Variants in HDAC4 observed in about 807,000 individuals in gnomAD.
HDAC4 encodes the protein histone deacetylase A.
In HDAC4, 16 loss-of-function variants were observed where a neutral mutation model predicts 135.1. The ratio of observed to expected loss-of-function variants is 0.12; its 90% confidence interval spans 0.08 to 0.18. The LOEUF (loss-of-function observed/expected upper bound fraction) is 0.18. Among genes scored for constraint, HDAC4 ranks in the 10% least tolerant of loss-of-function variants. The probability of loss-of-function intolerance (pLI) is 1.00; values close to 1 mark genes in which losing one functional copy is unlikely to be tolerated. For synonymous variants in HDAC4, 685 were observed against 653.4 expected, an observed-to-expected ratio of 1.05 and a Z score of -0.74; for missense variants, 1,143 against 1,511.8, an observed-to-expected ratio of 0.76 and a Z score of 4.05.
At chr2:239,226,501 T>C (rs2047248135) in intron 3 of HDAC4, among the ~76,000 whole-genome samples, 1 of 152,170 alleles carries the variant, frequency 6.6e-6, no homozygotes, top group African/African-American at 2.4e-5. Context: ...TGGACGGTTT[T>C]AGAAGCACCC....
intron 5 of HDAC4, among the ~76,000 whole-genome samples, chr2:239,169,758 C>T (rs1000887742): frequency 6.6e-6 from 1 of 152,166 alleles, no homozygotes; most frequent in Non-Finnish European, 1.5e-5. Context: ...GCCCTGTCTG[C>T]AGGGTCCTTC....
At chr2:239,205,389 G>A (rs934902154) in intron 3 of HDAC4, among the ~76,000 whole-genome samples, 1 of 152,162 alleles carries the variant, frequency 6.6e-6, no homozygotes, top group Non-Finnish European at 1.5e-5. Context: ...AGGAAATGCA[G>A]TCACAGAAGC....
chr2:239,194,609 A>G (rs932075982), intron 3 of HDAC4, among the ~76,000 whole-genome samples: 1 of 152,230 alleles, frequency 6.6e-6, no homozygotes, highest in Non-Finnish European at 1.5e-5. Context: ...CACTCCCAAA[A>G]GACAGGACCC....
At chr2:239,230,436 A>G (rs527703283) in intron 3 of HDAC4, among the ~76,000 whole-genome samples, 33 of 150,132 alleles carry the variant, frequency 2.2e-4, no homozygotes, top group African/African-American at 7.4e-4. Flanking sequence ...CGTCCTGGCC[A>G]ATCCTTGCCC....
chr2:239,087,023 C>T (rs1158093823), intron 19 of HDAC4, among the ~76,000 whole-genome samples: 1 of 152,152 alleles, frequency 6.6e-6, no homozygotes, highest in South Asian at 2.1e-4. Context: ...GGGATGGATC[C>T]GGGAGGACCC....
intron 22 of HDAC4, among the ~76,000 whole-genome samples, chr2:239,073,294 C>T (rs190760722): frequency 1.2e-4 from 18 of 152,344 alleles, no homozygotes; most frequent in Non-Finnish European, 2.4e-4. Context: ...AAAGTGCTTT[C>T]CAAGGACACA....
In HDAC4 at chr2:239,358,425, T is replaced by G. The variant is rs75475302; in HGVS notation, c.-219-5507A>C. Among the ~76,000 whole-genome samples the G allele has an allele frequency of 9.6e-3, 1,466 of 152,314 alleles. 34 individuals are homozygous for G. Among genetic ancestry groups the G allele is most frequent in the African/African-American group, 0.033 (1,391 of 41,556 alleles). On this transcript the variant is annotated intron_variant, in intron 1 of 26. Transcript: ENST00000543185. ...CTTTTGTTTGTTTGTTTTTGAGCAT[T>G]TGCTTACTTTCTGATTTTACAAGAT...
intron 2 of HDAC4, among the ~76,000 whole-genome samples, chr2:239,295,087 C>T (rs946135081): frequency 2.6e-5 from 4 of 151,818 alleles, no homozygotes; most frequent in Non-Finnish European, 5.9e-5. Context: ...GCGGGCGGAT[C>T]ACGAGGTCAG....
Position 239,183,639 on chromosome 2 carries a change from C to T in HDAC4, c.339+6194G>A, listed in dbSNP as rs139802362. ...AGCAAAGGTGTGCACGAGGTCTTCCCGTCTATTCTTAACCTTCACCCAGAG... is the reference window on the plus strand; with the variant it reads ...AGCAAAGGTGTGCACGAGGTCTTCCTGTCTATTCTTAACCTTCACCCAGAG... On this transcript the variant is annotated intron_variant, in intron 4 of 26. Transcript: ENST00000543185. Among the ~76,000 whole-genome samples, 48 of 152,314 alleles carry T rather than the reference C, an allele frequency of 3.2e-4. 1 individual carries two copies. The East Asian group carries it at 7.7e-3, about 25-fold the overall frequency.
rs945203014 is a variant in HDAC4 at position 239,349,927 on chromosome 2, A to G, written c.22+2751T>C. Among the ~76,000 whole-genome samples, 2 of 152,216 alleles carry G rather than the reference A, an allele frequency of 1.3e-5. No homozygotes were observed. The highest frequency in any genetic ancestry group is 2.1e-4 in the South Asian group (1 of 4,834). On this transcript the variant is annotated intron_variant, in intron 2 of 26. Coordinates refer to ENST00000543185, the MANE Select transcript of HDAC4 (RefSeq NM_001378414.1). This position sits in a 1 kb window ranked among gnomAD's most constrained non-coding sequence, Gnocchi z 5.7. ...TCCAACCCACTGAGAGAGAGAATGGAGAGGTCGTGGGTGGCAATAAGGCGC... is the reference window on the plus strand; with the variant it reads ...TCCAACCCACTGAGAGAGAGAATGGGGAGGTCGTGGGTGGCAATAAGGCGC...
chr2:239,397,186 G>T (rs1161439071), intron 1 of HDAC4, among the ~76,000 whole-genome samples: 1 of 152,234 alleles, frequency 6.6e-6, no homozygotes, highest in African/African-American at 2.4e-5. Context: ...TCAGCTTCAA[G>T]GTCACCACCA....
At chr2:239,373,153 A>G (rs2126015560) in intron 1 of HDAC4, among the ~76,000 whole-genome samples, 1 of 152,192 alleles carries the variant, frequency 6.6e-6, no homozygotes, top group East Asian at 1.9e-4. Flanking sequence ...TTCTCACATC[A>G]GGACATGTGA....
At chr2:239,371,286 T>TCCTTATACACTCACACAC (rs1397009568) in intron 1 of HDAC4, among the ~76,000 whole-genome samples, 1 of 151,856 alleles carries the variant, frequency 6.6e-6, no homozygotes, top group African/African-American at 2.4e-5. Flanking sequence ...CATACACACA[T>TCCTTATACACTCACACAC]CCTTATACAC....
rs560765381 is a variant in HDAC4, at chr2:239,246,664, G to A, written c.23-10000C>T. Among the ~76,000 whole-genome samples, 36 of 152,364 alleles carry A rather than the reference G, an allele frequency of 2.4e-4. No individual in the cohort carries two copies. In the East Asian group the frequency reaches 5.8e-3, roughly 24 times the overall value. On this transcript the variant is annotated intron_variant, in intron 2 of 26. Coordinates refer to ENST00000543185, the MANE Select transcript of HDAC4 (RefSeq NM_001378414.1). ...GAGTGTCTCAGGGCCTCTCCTAGACGGTTCTGCAGGGCCTGGCATGGCCAG... is the reference window on the plus strand; with the variant it reads ...GAGTGTCTCAGGGCCTCTCCTAGACAGTTCTGCAGGGCCTGGCATGGCCAG...
At chr2:239,126,989 T>C (rs952977062) in intron 11 of HDAC4, among the ~76,000 whole-genome samples, 14 of 152,136 alleles carry the variant, frequency 9.2e-5, no homozygotes, top group African/African-American at 3.4e-4. Flanking sequence ...GAGCAAGCCC[T>C]TCCCCAGAGT....
At chr2:239,082,645 GC>G (rs1434472376) in intron 20 of HDAC4, among the ~76,000 whole-genome samples, 1 of 152,238 alleles carries the variant, frequency 6.6e-6, no homozygotes, top group African/African-American at 2.4e-5. Flanking sequence ...GCTGTGGCCT[GC>G]CCGCTTGCAG....
In HDAC4 at chr2:239,190,173, G is replaced by GC. The variant is rs1376210314; in HGVS notation, c.95-97dup. On this transcript the variant is annotated intron_variant, in intron 3 of 26. Coordinates refer to ENST00000543185, the MANE Select transcript of HDAC4 (RefSeq NM_001378414.1). ...CCAACACACTGGCCACCTTCACGGG[G>GC]CGGGGGGGGGGTTGTGACCATTTGA... 2.0e-4 allele frequency: 286 copies of GC among 1,434,310 alleles called. No homozygotes were observed. In the Middle Eastern group the frequency reaches 3.0e-3, roughly 15 times the overall value. 88.8% of individuals were successfully genotyped at this position (1,434,310 alleles called of 1,614,324 possible).
intron 1 of HDAC4, among the ~76,000 whole-genome samples, chr2:239,383,169 T>C (rs866355213): frequency 1.3e-5 from 2 of 152,134 alleles, no homozygotes; most frequent in Admixed American, 6.5e-5. Flanking sequence ...AAGGCTCCCC[T>C]TGTCGAGGAA....
chr2:239,191,572 A>G (rs1474719554), intron 3 of HDAC4, among the ~76,000 whole-genome samples: 1 of 152,202 alleles, frequency 6.6e-6, no homozygotes, highest in African/African-American at 2.4e-5. Context: ...AAGGGTGGGA[A>G]ATGCTTTGGG....
Sources: gnomAD v4.1 joint callset for allele counts (sites outside exome capture counted in the v4.1 genomes callset) on GRCh38, gnomAD v4.1.1 for gene constraint, Gnocchi (gnomAD v3.1) non-coding constraint, MANE v1.5 for transcripts, NCBI Gene and HGNC (gene_info 2026-07-23, HGNC 2026-07-21) for gene names.